Variants in COL4A4 observed in about 807,000 individuals in gnomAD.
COL4A4 encodes collagen type IV alpha 4 chain.
Under a neutral mutation model 192.9 loss-of-function variants are expected in COL4A4, and 105 were observed. The observed-to-expected ratio is 0.54, with a 90% CI of 0.46 to 0.64. COL4A4 has a LOEUF of 0.64. COL4A4 is among the 30% of genes least tolerant of loss of function. The pLI is 0.00. For synonymous variants in COL4A4, 762 were observed against 769.9 expected, an observed-to-expected ratio of 0.99 and a Z score of 0.17; for missense variants, 1,967 against 2,169.3, an observed-to-expected ratio of 0.91 and a Z score of 1.85.
the COL4A4 span, chr2:226,988,818 C>A: frequency 3.4e-6 from 2 of 592,678 alleles, no homozygotes; most frequent in Non-Finnish European, 4.2e-6. Context: ...AGTTAACTAC[C>A]AAGGCTGACT....
chr2:226,969,659 A>G, the COL4A4 span, among the ~76,000 whole-genome samples: 1 of 152,324 alleles, frequency 6.6e-6, no homozygotes, highest in African/African-American at 2.4e-5. Flanking sequence ...CTACAAACCA[A>G]ACAAATCTCC....
At chr2:226,995,419 T>G in the COL4A4 span, 1 of 1,571,630 alleles carries the variant, frequency 6.4e-7, no homozygotes, top group East Asian at 2.2e-5. Flanking sequence ...TCCTTTGGCT[T>G]TCTCACTACA....
At chr2:227,041,523 C>T (rs1414193734) in intron 37 of COL4A4, among the ~76,000 whole-genome samples, 1 of 151,440 alleles carries the variant, frequency 6.6e-6, no homozygotes, top group East Asian at 1.9e-4. Context: ...CACCTGTAAT[C>T]CCAGCTACTT....
At chr2:227,008,654 G>C (rs1006715691) in intron 46 of COL4A4, among the ~76,000 whole-genome samples, 3 of 152,216 alleles carry the variant, frequency 2.0e-5, no homozygotes, top group Non-Finnish European at 4.4e-5. Flanking sequence ...TGGGGATCCG[G>C]GACCTCAAGG....
At chr2:227,035,409 T>C (rs1969421072) in intron 37 of COL4A4, among the ~76,000 whole-genome samples, 1 of 152,152 alleles carries the variant, frequency 6.6e-6, no homozygotes, top group Non-Finnish European at 1.5e-5. Context: ...GTATTCTTAT[T>C]AGAAGCTGGC....
At chr2:227,103,774 T>C (rs2060658721) in intron 13 of COL4A4, among the ~76,000 whole-genome samples, 198 bp downstream of exon 13, 1 of 152,164 alleles carries the variant, frequency 6.6e-6, no homozygotes. Flanking sequence ...CTGGGTAAAC[T>C]TGAGAACACT....
At chr2:226,989,589 T>C in the COL4A4 span, among the ~76,000 whole-genome samples, 2 of 152,246 alleles carry the variant, frequency 1.3e-5, no homozygotes, top group African/African-American at 4.8e-5. Context: ...AAATATTCTT[T>C]GTCTCTTTGA....
At chr2:227,025,869 A>G in intron 42 of COL4A4, 59 bp from the exon 43 acceptor site, 1 of 1,543,472 alleles carries the variant, frequency 6.5e-7, no homozygotes, top group African/African-American at 1.4e-5. Flanking sequence ...GGGTGGAAAG[A>G]GATTTTAAAT....
the COL4A4 span, chr2:226,996,325 G>A: frequency 2.6e-5 from 4 of 152,172 alleles, no homozygotes; most frequent in South Asian, 2.1e-4. Context: ...TTGGTGGATC[G>A]GTCACTAGAG....
intron 22 of COL4A4, among the ~76,000 whole-genome samples, 194 bp from the exon 23 acceptor site, chr2:227,082,381 G>A (rs987516446): frequency 5.3e-5 from 8 of 152,154 alleles, no homozygotes; most frequent in African/African-American, 1.7e-4. Flanking sequence ...TGAACTACAT[G>A]TCAAATGTAA....
At chr2:227,044,096 T>C (rs1971974176) in intron 35 of COL4A4, among the ~76,000 whole-genome samples, 1 of 152,270 alleles carries the variant, frequency 6.6e-6, no homozygotes, top group South Asian at 2.1e-4. Flanking sequence ...CATTCAACAT[T>C]TGGTTCTTGA....
At chr2:226,969,561 A>G in the COL4A4 span, among the ~76,000 whole-genome samples, 110 of 152,238 alleles carry the variant, frequency 7.2e-4, 1 homozygote, top group East Asian at 8.5e-3. Flanking sequence ...GGTAATGGCC[A>G]TTAAGGCCAA....
intron 35 of COL4A4, 55 bp downstream of exon 35, chr2:227,047,420 G>T: frequency 1.6e-6 from 2 of 1,259,610 alleles, no homozygotes; most frequent in Admixed American, 1.7e-5. Flanking sequence ...TAATTGTTCT[G>T]CTTTTCAAAC....
At chr2:227,161,970 C>A (rs576028997) in intron 1 of COL4A4, among the ~76,000 whole-genome samples, 18 of 152,096 alleles carry the variant, frequency 1.2e-4, no homozygotes, top group Admixed American at 9.8e-4. Flanking sequence ...CACTATGTGA[C>A]TACTGTGTGA....
upstream of COL4A4, chr2:227,164,373 G>T: frequency 2.6e-6 from 1 of 388,066 alleles, no homozygotes; most frequent in Non-Finnish European, 4.7e-6. The surrounding 1 kb of genome is among the most constrained non-coding windows in gnomAD (Gnocchi z 4.8). Flanking sequence ...GACCTTGGGA[G>T]CATCACCTCC....
intron 15 of COL4A4, 109 bp downstream of exon 15, chr2:227,102,680 A>G (rs1162915337): frequency 1.1e-6 from 1 of 902,550 alleles, no homozygotes; most frequent in East Asian, 2.4e-5. Flanking sequence ...TTGTTCTTAC[A>G]TGAGCTATTC....
chr2:227,033,298 T>C, intron 38 of COL4A4, 112 bp downstream of exon 38: 1 of 890,824 alleles, frequency 1.1e-6, no homozygotes, highest in East Asian at 2.6e-5. Context: ...GCCAGTTTTT[T>C]TCAGTTTTGC....
At chr2:227,053,543 C>A (rs796986907) in intron 31 of COL4A4, among the ~76,000 whole-genome samples, 1 of 102,232 alleles carries the variant, frequency 9.8e-6, no homozygotes. Flanking sequence ...TTTTCTTTTT[C>A]TTTTTTTTTT....
chr2:227,016,595 AG>A (rs1224577438), intron 44 of COL4A4, among the ~76,000 whole-genome samples: 1 of 152,152 alleles, frequency 6.6e-6, no homozygotes, highest in African/African-American at 2.4e-5. Context: ...TCAGGTAATG[AG>A]GTAGATGTCT....
Sources: allele counts gnomAD v4.1 joint callset (sites outside exome capture counted in the v4.1 genomes callset), GRCh38; gene constraint gnomAD v4.1.1; non-coding constraint Gnocchi (gnomAD v3.1); transcripts MANE v1.5; gene names NCBI Gene and HGNC (gene_info 2026-07-23, HGNC 2026-07-21).